The following RYR3 variants were observed in gnomAD, a reference collection of about 807,000 sequenced individuals.
RYR3 encodes ryanodine receptor 3.
In RYR3, 207 loss-of-function variants were observed where a neutral mutation model predicts 584.3. That is an observed-to-expected ratio of 0.35 (90% CI 0.32 to 0.40). The LOEUF is 0.40. RYR3 is among the 10% of genes least tolerant of loss of function. RYR3 has a pLI of 1.00. For missense variants in RYR3, 5,616 were observed against 6,089.2 expected, an observed-to-expected ratio of 0.92 and a Z score of 2.59; for synonymous variants, 2,416 against 2,248.5, an observed-to-expected ratio of 1.07 and a Z score of -2.11.
chr15:33,747,080 G>A (rs1236064112), intron 53 of RYR3, among the ~76,000 whole-genome samples: 1 of 152,046 alleles, frequency 6.6e-6, no homozygotes, highest in Non-Finnish European at 1.5e-5. Context: ...CAAAGCACTG[G>A]AATTACAGGT....
intron 38 of RYR3, among the ~76,000 whole-genome samples, chr15:33,693,229 T>C (rs890958028): frequency 6.6e-6 from 1 of 152,262 alleles, no homozygotes; most frequent in South Asian, 2.1e-4. Flanking sequence ...TACGTATTGG[T>C]GGTCGCCTCT....
At chr15:33,730,102 AATGAATAATT>A (rs781699685) in intron 47 of RYR3, among the ~76,000 whole-genome samples, 146 of 83,356 alleles carry the variant, frequency 1.8e-3, no homozygotes, top group Non-Finnish European at 2.9e-3. Flanking sequence ...TTTTATTCAT[AATGAATAATT>A]ATGAATAATT....
At chr15:33,699,649 C>T in intron 40 of RYR3, 55 bp from the exon 41 acceptor site, 2 of 1,560,628 alleles carry the variant, frequency 1.3e-6, no homozygotes, top group Non-Finnish European at 1.7e-6. Context: ...TCAGAGTTTT[C>T]AGAAAGGCCT....
chr15:33,809,016 C>T (rs768502740), intron 70 of RYR3, among the ~76,000 whole-genome samples: 3 of 152,186 alleles, frequency 2.0e-5, no homozygotes, highest in Non-Finnish European at 2.9e-5. Flanking sequence ...GCAGCCGCCA[C>T]AAGTGCTGAA....
intron 45 of RYR3, among the ~76,000 whole-genome samples, chr15:33,724,844 A>G (rs973160124): frequency 2.6e-5 from 4 of 152,078 alleles, no homozygotes; most frequent in Non-Finnish European, 5.9e-5. Context: ...TAGGATTCCA[A>G]TTCCTACTAT....
At chr15:33,766,538 T>C (rs1463039799) in intron 60 of RYR3, among the ~76,000 whole-genome samples, 2 of 152,216 alleles carry the variant, frequency 1.3e-5, no homozygotes, top group Non-Finnish European at 2.9e-5. Context: ...AGAGGGCAGG[T>C]GTGTCTGTTT....
At chr15:33,793,541 T>TA (rs551694261) in intron 67 of RYR3, among the ~76,000 whole-genome samples, 32 of 151,910 alleles carry the variant, frequency 2.1e-4, no homozygotes, top group African/African-American at 1.9e-4. Flanking sequence ...TTATATATAA[T>TA]AAAAAAAACT....
chr15:33,558,376 T>C (rs1358244797), intron 10 of RYR3, among the ~76,000 whole-genome samples: 3 of 68,666 alleles, frequency 4.4e-5, no homozygotes, highest in African/African-American at 1.0e-4. Context: ...AATAGTTTGC[T>C]GAAGAATGAT....
chr15:33,523,509 G>GT (rs1432279707), intron 3 of RYR3, among the ~76,000 whole-genome samples: 1 of 152,132 alleles, frequency 6.6e-6, no homozygotes, highest in Non-Finnish European at 1.5e-5. Flanking sequence ...CTTGAAGTCA[G>GT]TGAGACCAAG....
At chr15:33,850,559 C>T (rs1333757867) in intron 94 of RYR3, 1 of 150,100 alleles carries the variant, frequency 6.7e-6, no homozygotes, top group Non-Finnish European at 1.5e-5. Flanking sequence ...GTTAGATAGA[C>T]CAATGTTTAA....
At chr15:33,864,506 C>T (rs1889754470) in intron 103 of RYR3, among the ~76,000 whole-genome samples, 1 of 152,090 alleles carries the variant, frequency 6.6e-6, no homozygotes, top group Admixed American at 6.6e-5. Flanking sequence ...CAACAAAGAG[C>T]AGAAAAATCA....
intron 36 of RYR3, among the ~76,000 whole-genome samples, chr15:33,666,195 T>C (rs1348443552): frequency 6.6e-6 from 1 of 151,876 alleles, no homozygotes; most frequent in Non-Finnish European, 1.5e-5. Flanking sequence ...AGTAGAGGGG[T>C]GGGTTTCCCC....
chr15:33,466,635 A>G (rs2048508448), intron 1 of RYR3, among the ~76,000 whole-genome samples: 1 of 152,250 alleles, frequency 6.6e-6, no homozygotes, highest in Admixed American at 6.5e-5. Flanking sequence ...CTTTACTTTC[A>G]TAATGTGTGC....
chr15:33,807,420 A>G, intron 69 of RYR3, 135 bp from the exon 70 acceptor site: 6 of 863,442 alleles, frequency 6.9e-6, no homozygotes, highest in Non-Finnish European at 1.1e-5. Flanking sequence ...TTCCAGAACC[A>G]TTGAGTTTCT....
intron 42 of RYR3, among the ~76,000 whole-genome samples, chr15:33,705,716 T>G (rs13329273): frequency 0.026 from 4,008 of 152,290 alleles, 170 homozygotes; most frequent in African/African-American, 0.092. Flanking sequence ...GGGGATCTCT[T>G]TTTCTGGCCA....
chr15:33,455,780 T>C (rs769938889), intron 1 of RYR3, among the ~76,000 whole-genome samples: 2 of 152,184 alleles, frequency 1.3e-5, no homozygotes, highest in Admixed American at 6.5e-5. Flanking sequence ...TACAAATGTC[T>C]ACCTTGTTAA....
At chr15:33,570,967 G>A (rs939010542) in intron 12 of RYR3, among the ~76,000 whole-genome samples, 1 of 152,158 alleles carries the variant, frequency 6.6e-6, no homozygotes, top group African/African-American at 2.4e-5. Context: ...TGGGGAGCAG[G>A]TGGATTCTTT....
rs975506546 is a variant in RYR3, at chr15:33,805,698, C to T, written c.10012-1857C>T. On this transcript the variant is annotated intron_variant, in intron 69 of 103. Coordinates refer to ENST00000634891, the MANE Select transcript of RYR3 (RefSeq NM_001036.6). Reference sequence around the variant, plus strand: ...TTCACTGTGTTAGCCAGGATGGTCTCGATCTCCTGACGTCATGATCCGCCC... The same window carrying T: ...TTCACTGTGTTAGCCAGGATGGTCTTGATCTCCTGACGTCATGATCCGCCC... Among the ~76,000 whole-genome samples, 8 of 151,704 alleles carry T rather than the reference C, an allele frequency of 5.3e-5. No individual in the cohort carries two copies. In the South Asian group the frequency reaches 8.4e-4, roughly 16 times the overall value.
chr15:33,681,375 T>C (rs1182288303), intron 38 of RYR3, among the ~76,000 whole-genome samples: 2 of 152,230 alleles, frequency 1.3e-5, no homozygotes, highest in African/African-American at 4.8e-5. Context: ...AACAGTAGGC[T>C]AGTAGGGCTG....
Sources: gnomAD v4.1 joint callset for allele counts (sites outside exome capture counted in the v4.1 genomes callset) on GRCh38, gnomAD v4.1.1 for gene constraint, MANE v1.5 for transcripts, NCBI Gene and HGNC (gene_info 2026-07-23, HGNC 2026-07-21) for gene names.